The following KCNG3 variants were observed in gnomAD, a reference collection of about 807,000 sequenced individuals.
The protein encoded by KCNG3 is voltage-gated potassium channel regulatory subunit KCNG3.
Under a neutral mutation model 29.0 loss-of-function variants are expected in KCNG3, and 15 were observed. That is an observed-to-expected ratio of 0.52 (90% CI 0.35 to 0.80). The LOEUF (loss-of-function observed/expected upper bound fraction) is 0.80. Ranked by LOEUF, KCNG3 falls within the 30% of genes least tolerant of loss-of-function variation. The pLI, the probability that KCNG3 is intolerant of heterozygous loss-of-function variation, is 0.01. For missense variants in KCNG3, 512 were observed against 605.7 expected (o/e 0.85, Z 1.62); for synonymous variants, 322 against 248.9 (o/e 1.29, Z -2.76).
chr2:42,471,408 T>G (rs1440476744), intron 1 of KCNG3, among the ~76,000 whole-genome samples: 1 of 152,104 alleles, frequency 6.6e-6, no homozygotes, highest in East Asian at 1.9e-4. Context: ...AAAGGCTCCA[T>G]GTTGTATAAC....
At position 42,442,994 on chromosome 2, in the gene KCNG3, A is replaced by T. The variant is rs1672518319; in HGVS notation, c.*940T>A. On this transcript the variant is annotated 3_prime_UTR_variant, in exon 2 of 2. Transcript: ENST00000306078. ...AACACGTAAGTATGACTTTGCTACT[A>T]AAAGGCTATATAAATATCCTTTCAT... 6.6e-6 allele frequency: 1 copy of T among 152,214 alleles called. No individual in the cohort carries two copies. Among genetic ancestry groups the T allele is most frequent in the South Asian group, 2.1e-4 (1 of 4,822 alleles). The allele number at this position is 152,214 out of a possible 1,614,324, so 9.4% of individuals were successfully genotyped here.
the KCNG3 span, chr2:42,388,532 G>A: frequency 1.3e-5 from 2 of 152,198 alleles, no homozygotes; most frequent in African/African-American, 2.4e-5. Flanking sequence ...GAGTTCTGGG[G>A]TGCAGGGCTC....
the KCNG3 span, among the ~76,000 whole-genome samples, chr2:42,391,625 C>T: frequency 4.4e-3 from 370 of 83,292 alleles, no homozygotes; most frequent in Non-Finnish European, 4.6e-3. Flanking sequence ...TTTTTTGAGA[C>T]GGAGTCTCGC....
the KCNG3 span, among the ~76,000 whole-genome samples, chr2:42,410,866 T>G: frequency 3.3e-5 from 5 of 152,334 alleles, no homozygotes; most frequent in Non-Finnish European, 7.4e-5. Flanking sequence ...GACTACTTCG[T>G]TATGCCACAG....
the KCNG3 span, among the ~76,000 whole-genome samples, chr2:42,401,152 AT>A: frequency 2.0e-5 from 3 of 149,614 alleles, no homozygotes; most frequent in South Asian, 2.1e-4. Flanking sequence ...ATATATACAT[AT>A]TTTTTTCCTC....
chr2:42,409,731 T>TAAAAAAAAAAAAAA, the KCNG3 span, among the ~76,000 whole-genome samples: 6 of 77,106 alleles, frequency 7.8e-5, no homozygotes, highest in African/African-American at 2.5e-4. Flanking sequence ...AAAAAAAAAT[T>TAAAAAAAAAAAAAA]TTTTTTTAAA....
chr2:42,457,706 A>G (rs1358142977), intron 1 of KCNG3, among the ~76,000 whole-genome samples: 1 of 149,750 alleles, frequency 6.7e-6, no homozygotes, highest in African/African-American at 2.5e-5. Flanking sequence ...TGATCCCAAC[A>G]CTGGGAGGGC....
intron 1 of KCNG3, among the ~76,000 whole-genome samples, chr2:42,448,500 T>A (rs1672661001): frequency 6.6e-6 from 1 of 152,086 alleles, no homozygotes; most frequent in Non-Finnish European, 1.5e-5. Context: ...AATTCTTGAT[T>A]TTCCACTTTC....
the KCNG3 span, among the ~76,000 whole-genome samples, chr2:42,435,218 G>A: frequency 1.3e-5 from 2 of 152,104 alleles, no homozygotes; most frequent in Admixed American, 6.6e-5. Flanking sequence ...CAGGAGAATC[G>A]CTTGAACCAG....
intron 1 of KCNG3, among the ~76,000 whole-genome samples, chr2:42,476,078 T>C (rs1003821026): frequency 2.0e-5 from 3 of 152,038 alleles, no homozygotes; most frequent in Non-Finnish European, 4.4e-5. Context: ...ATAATAATAA[T>C]AATTAATAAA....
At chr2:42,398,434 G>C in the KCNG3 span, among the ~76,000 whole-genome samples, 1 of 151,962 alleles carries the variant, frequency 6.6e-6, no homozygotes, top group Admixed American at 6.6e-5. Flanking sequence ...CCCAGGAAGA[G>C]CCCTGGGAAT....
At chr2:42,487,098 A>C (rs1256947898) in intron 1 of KCNG3, among the ~76,000 whole-genome samples, 1 of 148,050 alleles carries the variant, frequency 6.8e-6, no homozygotes, top group Non-Finnish European at 1.5e-5. Flanking sequence ...CAGAGGTTGC[A>C]GTGAGCTGAG....
At chr2:42,395,276 T>C in the KCNG3 span, among the ~76,000 whole-genome samples, 15 of 151,914 alleles carry the variant, frequency 9.9e-5, no homozygotes, top group South Asian at 4.2e-4. Flanking sequence ...TCCAAGAAAG[T>C]TGAGTGATAA....
At chr2:42,481,733 G>C (rs2103729834) in intron 1 of KCNG3, among the ~76,000 whole-genome samples, 1 of 152,100 alleles carries the variant, frequency 6.6e-6, no homozygotes, top group Non-Finnish European at 1.5e-5. Flanking sequence ...ATTGACCAAA[G>C]ACATATCCGC....
the KCNG3 span, among the ~76,000 whole-genome samples, chr2:42,393,091 C>G: frequency 2.0e-5 from 3 of 151,974 alleles, no homozygotes; most frequent in South Asian, 6.2e-4. Flanking sequence ...TGCCTCATTT[C>G]TTATCTGTAA....
intron 1 of KCNG3, among the ~76,000 whole-genome samples, chr2:42,481,641 C>T (rs1022725887): frequency 1.3e-5 from 2 of 152,118 alleles, no homozygotes; most frequent in African/African-American, 2.4e-5. Flanking sequence ...ATCTATAAGG[C>T]GCTTCCTGGG....
At chr2:42,399,056 C>CTTTTTTTTTTTTT in the KCNG3 span, among the ~76,000 whole-genome samples, 6 of 107,620 alleles carry the variant, frequency 5.6e-5, no homozygotes, top group Non-Finnish European at 7.3e-5. Context: ...TTTTTCTTTT[C>CTTTTTTTTTTTTT]TTTTTTTTTT....
At chr2:42,393,798 C>T in the KCNG3 span, among the ~76,000 whole-genome samples, 114 of 150,914 alleles carry the variant, frequency 7.6e-4, no homozygotes, top group Middle Eastern at 3.4e-3. Context: ...TTTTTTTTCT[C>T]GAGACAGAGT....
chr2:42,474,103 G>C (rs1001482609), intron 1 of KCNG3, among the ~76,000 whole-genome samples: 1 of 151,906 alleles, frequency 6.6e-6, no homozygotes, highest in African/African-American at 2.4e-5. Flanking sequence ...AGTGAGCCGA[G>C]ATCACCCCTT....
Sources: gnomAD v4.1 joint callset for allele counts (sites outside exome capture counted in the v4.1 genomes callset) on GRCh38, gnomAD v4.1.1 for gene constraint, MANE v1.5 for transcripts, NCBI Gene and HGNC (gene_info 2026-07-23, HGNC 2026-07-21) for gene names.